Variants in MOK observed in about 807,000 individuals in gnomAD.
The protein encoded by MOK is MOK protein kinase.
MOK carries 59 observed loss-of-function variants against 54.2 expected under a neutral mutation model. The observed-to-expected ratio is 1.09, with a 90% confidence interval of 0.88 to 1.35. The LOEUF is 1.35. MOK is among the 40% of genes most tolerant of loss of function. MOK has a pLI of 0.00. For synonymous variants in MOK, 210 were observed against 202.7 expected (o/e 1.04, Z -0.31); for missense variants, 517 against 526.2 (o/e 0.98, Z 0.17).
At chr14:102,254,600 C>A (rs1567176310) in intron 4 of MOK, among the ~76,000 whole-genome samples, 1 of 152,130 alleles carries the variant, frequency 6.6e-6, no homozygotes, top group Admixed American at 6.6e-5. Context: ...TCAACCAATT[C>A]CTCTCCACCA....
chr14:102,229,924 G>GTGGTGCCCACGCCTCCTGCCTC (rs1469690280), intron 10 of MOK: 1 of 444,594 alleles, frequency 2.2e-6, no homozygotes, highest in African/African-American at 2.0e-5. Flanking sequence ...CTCGCGGGCT[G>GTGGTGCCCACGCCTCCTGCCTC]TGGTGCCCAC....
chr14:102,225,622 T>C (rs80143347), downstream of MOK: 9,333 of 153,260 alleles, frequency 0.061, 317 homozygotes, highest in South Asian at 0.12. Flanking sequence ...TGGCCATCAC[T>C]GTACTAACGC....
At chr14:102,244,027 C>T (rs145852950) in intron 7 of MOK, among the ~76,000 whole-genome samples, 24 of 152,328 alleles carry the variant, frequency 1.6e-4, no homozygotes, top group Non-Finnish European at 2.8e-4. Flanking sequence ...TATCCTGCCC[C>T]ACCATGCTGT....
chr14:102,298,714 G>A (rs886789283), intron 1 of MOK, among the ~76,000 whole-genome samples: 29 of 152,190 alleles, frequency 1.9e-4, no homozygotes, highest in Non-Finnish European at 2.9e-5. Flanking sequence ...GTGGCAACAT[G>A]CTCCAGTCCC....
At chr14:102,239,629 G>A (rs1373838224) in intron 7 of MOK, among the ~76,000 whole-genome samples, 2 of 152,202 alleles carry the variant, frequency 1.3e-5, no homozygotes, top group Non-Finnish European at 2.9e-5. Flanking sequence ...CCAGTACAGT[G>A]GGAGGCCAAG....
chr14:102,217,276 G>A, the MOK span, among the ~76,000 whole-genome samples: 27 of 152,306 alleles, frequency 1.8e-4, no homozygotes, highest in South Asian at 5.0e-3. Context: ...ATCAGTGAAC[G>A]GGATCACGAT....
At chr14:102,266,592 GT>G (rs2067931314) in intron 2 of MOK, among the ~76,000 whole-genome samples, 1 of 150,906 alleles carries the variant, frequency 6.6e-6, no homozygotes, top group Non-Finnish European at 1.5e-5. Context: ...TTGATTTTTT[GT>G]TTTTTTGAAA....
intron 7 of MOK, chr14:102,234,946 A>C (rs2065077459): frequency 6.6e-6 from 1 of 151,846 alleles, no homozygotes; most frequent in Non-Finnish European, 1.5e-5. Flanking sequence ...CCTGCTCCAA[A>C]CCCGACTCAC....
At chr14:102,265,369 T>C (rs998146637) in intron 3 of MOK, among the ~76,000 whole-genome samples, 2 of 152,178 alleles carry the variant, frequency 1.3e-5, no homozygotes, top group Non-Finnish European at 1.5e-5. Context: ...CAGTGGCTCA[T>C]GCCTGTAATC....
intron 1 of MOK, among the ~76,000 whole-genome samples, chr14:102,296,375 G>C (rs188031959): frequency 2.0e-5 from 3 of 151,644 alleles, no homozygotes; most frequent in Admixed American, 2.0e-4. Context: ...TTTGGGTAAG[G>C]AACAACCATA....
downstream of MOK, chr14:102,224,483 AATC>A (rs915636935): frequency 1.9e-5 from 8 of 412,522 alleles, no homozygotes; most frequent in African/African-American, 4.2e-5. Context: ...TTTTTTAAAA[AATC>A]ATATACAACT....
At chr14:102,264,159 C>G (rs1016050447) in intron 3 of MOK, 1 of 144,890 alleles carries the variant, frequency 6.9e-6, no homozygotes, top group Non-Finnish European at 1.5e-5. Context: ...TGCAGTGAGC[C>G]GAGATCGTAC....
At chr14:102,267,349 T>C (rs1055022911) in intron 2 of MOK, among the ~76,000 whole-genome samples, 6 of 152,130 alleles carry the variant, frequency 3.9e-5, no homozygotes, top group African/African-American at 1.4e-4. Flanking sequence ...GTGGATCACC[T>C]GAGGTCAGGA....
intron 1 of MOK, among the ~76,000 whole-genome samples, chr14:102,303,451 A>G (rs2072461487): frequency 6.6e-6 from 1 of 152,208 alleles, no homozygotes; most frequent in African/African-American, 2.4e-5. Flanking sequence ...TGAAAATATC[A>G]TTGTCATGAA....
At chr14:102,250,171 G>C (rs897765107) in intron 7 of MOK, among the ~76,000 whole-genome samples, 20 of 152,200 alleles carry the variant, frequency 1.3e-4, no homozygotes, top group African/African-American at 4.8e-4. Flanking sequence ...GGCGGGACCA[G>C]ACTTTGACCC....
At chr14:102,226,148 CTGA>C (rs1270561658), downstream of MOK, 1 of 594,670 alleles carries the variant, frequency 1.7e-6, no homozygotes, top group Non-Finnish European at 3.0e-6. This position sits in a 1 kb window ranked among gnomAD's most constrained non-coding sequence, Gnocchi z 4.8. Context: ...ATGGAAATGG[CTGA>C]TGGAGATGGC....
intron 1 of MOK, among the ~76,000 whole-genome samples, chr14:102,289,045 G>A (rs2070456005): frequency 6.6e-6 from 1 of 152,062 alleles, no homozygotes; most frequent in South Asian, 2.1e-4. Context: ...TGGGACTACA[G>A]GCACCCGCCA....
chr14:102,227,079 TCAGGA>T (rs2064281535), downstream of MOK, among the ~76,000 whole-genome samples: 1 of 152,036 alleles, frequency 6.6e-6, no homozygotes, highest in Non-Finnish European at 1.5e-5. Flanking sequence ...AGTGTGACAG[TCAGGA>T]CAGGGCAGCT....
At chr14:102,227,110 G>A (rs1211141843), downstream of MOK, among the ~76,000 whole-genome samples, 2 of 152,104 alleles carry the variant, frequency 1.3e-5, no homozygotes, top group African/African-American at 4.8e-5. Context: ...CCTGGGCACC[G>A]GCATCTGCAG....
Sources: allele counts gnomAD v4.1 joint callset (sites outside exome capture counted in the v4.1 genomes callset), GRCh38; gene constraint gnomAD v4.1.1; non-coding constraint Gnocchi (gnomAD v3.1); transcripts MANE v1.5; gene names NCBI Gene and HGNC (gene_info 2026-07-23, HGNC 2026-07-21).